CEMIP: variants seen among roughly 807,000 people sequenced by gnomAD.
The protein encoded by CEMIP is cell migration-inducing and hyaluronan-binding protein.
Under a neutral mutation model 156.9 loss-of-function variants are expected in CEMIP, and 105 were observed. That is an observed-to-expected ratio of 0.67 (90% confidence interval 0.57 to 0.79). The LOEUF (loss-of-function observed/expected upper bound fraction) is 0.79. CEMIP is among the 30% of genes least tolerant of loss of function. CEMIP has a pLI of 0.00. For synonymous variants in CEMIP, 676 were observed against 668.4 expected, an observed-to-expected ratio of 1.01 and a Z score of -0.17; for missense variants, 1,457 against 1,769.4, an observed-to-expected ratio of 0.82 and a Z score of 3.17.
chr15:80,883,855 A>G (rs1203042444), intron 6 of CEMIP, among the ~76,000 whole-genome samples: 1 of 152,198 alleles, frequency 6.6e-6, no homozygotes, highest in East Asian at 1.9e-4. Context: ...GGGGAACATC[A>G]AAAGGCCTAG....
In CEMIP at chr15:80,879,698, C is replaced by A. The variant is rs367814136; in HGVS notation, c.242-18C>A. On this transcript the variant is annotated intron_variant, in intron 4 of 29. Coordinates refer to ENST00000394685, the MANE Select transcript of CEMIP (RefSeq NM_001293298.2). Reference sequence around the variant, plus strand: ...TAACACTGTGTTATTAAACCTCCCCCCAATGCTACCTCTTCAGGCAAGCTG... The same window carrying A: ...TAACACTGTGTTATTAAACCTCCCCACAATGCTACCTCTTCAGGCAAGCTG... The A allele has an allele frequency of 6.8e-6, 11 of 1,614,048 alleles. No homozygotes were observed. Among genetic ancestry groups the A allele is most frequent in the South Asian group, 3.3e-5 (3 of 91,070 alleles).
chr15:80,782,106 A>G (rs1404611950), intron 1 of CEMIP, among the ~76,000 whole-genome samples: 1 of 152,236 alleles, frequency 6.6e-6, no homozygotes, highest in East Asian at 1.9e-4. Flanking sequence ...TACCTACACT[A>G]CTTGGAGGAA....
chr15:80,940,686 G>A (rs1226941386), intron 25 of CEMIP, among the ~76,000 whole-genome samples: 1 of 152,226 alleles, frequency 6.6e-6, no homozygotes, highest in East Asian at 1.9e-4. Flanking sequence ...CAGATTAAGT[G>A]GAGGTGCTAC....
At chr15:80,913,048 C>T (rs1234752081) in intron 14 of CEMIP, among the ~76,000 whole-genome samples, 1 of 152,076 alleles carries the variant, frequency 6.6e-6, no homozygotes, top group African/African-American at 2.4e-5. Flanking sequence ...GTGTGCAGAG[C>T]TGAGAGTGCC....
intron 5 of CEMIP, 86 bp from the exon 6 acceptor site, chr15:80,880,814 G>A: frequency 9.2e-7 from 1 of 1,087,206 alleles, no homozygotes; most frequent in Non-Finnish European, 1.4e-6. Context: ...TCAGGGAGCT[G>A]AGCTGTGACT....
chr15:80,943,618 T>G (rs1901426973), intron 28 of CEMIP, among the ~76,000 whole-genome samples: 1 of 152,236 alleles, frequency 6.6e-6, no homozygotes, highest in African/African-American at 2.4e-5. Flanking sequence ...TTCATCCTGA[T>G]AGCCAGGCCA....
In CEMIP at chr15:80,881,094, A is replaced by G. The variant is rs1403379329; in HGVS notation, c.575A>G (p.His192Arg). The change falls in exon 6 of 30, where the codon CAT becomes CGT. Residue 192 changes from histidine (H) to arginine (R), a missense_variant. Coordinates refer to ENST00000394685, the MANE Select transcript of CEMIP (RefSeq NM_001293298.2). ...RSWGHRGVIV[H>R]VIDPKSGTVI... ...TGGGGCCACCGTGGAGTTATTGTTC[A>G]TGTCATCGACCCCAAATCAGGCACA... The G allele has an allele frequency of 6.2e-7, 1 of 1,614,230 alleles. No individual in the cohort carries two copies. Among genetic ancestry groups the G allele is most frequent in the Non-Finnish European group, 8.5e-7 (1 of 1,180,038 alleles).
chr15:80,863,737 G>C (rs1234489545), intron 1 of CEMIP, among the ~76,000 whole-genome samples: 2 of 152,184 alleles, frequency 1.3e-5, no homozygotes, highest in African/African-American at 2.4e-5. Context: ...TGGGGGCCCG[G>C]AGGAAGTTCG....
At position 80,884,175 on chromosome 15, in the gene CEMIP, G is replaced by C. The variant is rs1435312323; in HGVS notation, c.618G>C (p.Arg206=). The change falls in exon 7 of 30, where the codon CGG becomes CGC. Residue 206 remains arginine, a splice_region_variant and synonymous_variant. Transcript: ENST00000394685. ...PKSGTVIHSD[R]FDTYRSKKES... is the part of the protein sequence containing the mutation. ...GATCTCTTCTCTCTGCCCTTTTTAG[G>C]TTTGACACCTATAGATCCAAGAAAG... 3.7e-6 allele frequency: 6 copies of C among 1,613,924 alleles called. No individual in the cohort carries two copies. The highest frequency in any genetic ancestry group is 5.1e-6 in the Non-Finnish European group (6 of 1,179,954).
At chr15:80,927,736 T>C (rs1348564816) in intron 19 of CEMIP, among the ~76,000 whole-genome samples, 5 of 151,654 alleles carry the variant, frequency 3.3e-5, no homozygotes, top group African/African-American at 9.7e-5. Context: ...CCTTCAAGGA[T>C]TGGAAGAATG....
At position 80,830,004 on chromosome 15, in the gene CEMIP, G is replaced by A. The variant is rs112898377; in HGVS notation, c.-175-43534G>A. 1.4e-4 allele frequency among the ~76,000 whole-genome samples: 10 copies of A among 73,896 alleles called. No homozygotes were observed. In the South Asian group the frequency reaches 1.4e-3, roughly 10 times the overall value. 48.5% of individuals were successfully genotyped at this position (73,896 alleles called of 152,430 possible). A position where few individuals can be genotyped will look rare whatever the true frequency, so the allele number is the denominator to read the frequency against. ...TGTGTGTGTGTGTGTGTGTGTGTGC[G>A]CGCATGTCCTTCCAATAAGCAACCA... is the stretch of plus-strand genomic sequence containing the variant. On this transcript the variant is annotated intron_variant, in intron 1 of 29. Coordinates refer to ENST00000394685, the MANE Select transcript of CEMIP (RefSeq NM_001293298.2).
chr15:80,788,589 G>C (rs571099647), intron 1 of CEMIP, among the ~76,000 whole-genome samples: 2 of 152,312 alleles, frequency 1.3e-5, no homozygotes, highest in South Asian at 4.1e-4. Flanking sequence ...CAGGCACTGA[G>C]TAATTCACTC....
chr15:80,877,858 G>A (rs1337178986), intron 3 of CEMIP, among the ~76,000 whole-genome samples: 1 of 152,180 alleles, frequency 6.6e-6, no homozygotes. Context: ...TATAGAATAG[G>A]AAACACAGAT....
Position 80,828,101 on chromosome 15 carries a change from G to A in CEMIP, c.-175-45437G>A, listed in dbSNP as rs1281040290. Among the ~76,000 whole-genome samples, 5 of 152,206 alleles carry A rather than the reference G, an allele frequency of 3.3e-5. 1 individual carries two copies. In the South Asian group the frequency reaches 6.2e-4, roughly 19 times the overall value. ...CCAAGACTTCTTAAGAATGCAGGCC[G>A]GGTGTGGTGGCTCACGCCTATAATC... On this transcript the variant is annotated intron_variant, in intron 1 of 29. Coordinates refer to ENST00000394685, the MANE Select transcript of CEMIP (RefSeq NM_001293298.2).
In CEMIP at chr15:80,936,664, GT is replaced by G. The variant is rs747419551; in HGVS notation, c.3010-6del. ...GCCTCATTGTGTGTTTCCTTTTTGG[GT>G]TTTAAAAGATGTACATTCAAGCCTA... On this transcript the variant is annotated splice_polypyrimidine_tract_variant and intron_variant, in intron 23 of 29. Transcript: ENST00000394685. The G allele has an allele frequency of 3.7e-6, 6 of 1,611,346 alleles. No individual in the cohort carries two copies. The highest frequency in any genetic ancestry group is 4.2e-6 in the Non-Finnish European group (5 of 1,178,168).
intron 19 of CEMIP, among the ~76,000 whole-genome samples, chr15:80,926,440 C>G (rs1454616010): frequency 6.6e-6 from 1 of 151,966 alleles, no homozygotes; most frequent in African/African-American, 2.4e-5. Flanking sequence ...AAATCAGAAA[C>G]CTATTAGGAA....
At chr15:80,864,263 T>C (rs1242043177) in intron 1 of CEMIP, among the ~76,000 whole-genome samples, 4 of 152,218 alleles carry the variant, frequency 2.6e-5, no homozygotes, top group African/African-American at 9.6e-5. Flanking sequence ...ATTTGGGTTT[T>C]TTCCCCAGGT....
intron 1 of CEMIP, among the ~76,000 whole-genome samples, chr15:80,840,889 C>A (rs1040904214): frequency 6.6e-5 from 10 of 152,192 alleles, no homozygotes; most frequent in African/African-American, 9.6e-5. Flanking sequence ...GGCTGTCGGG[C>A]TTCCCACCAT....
chr15:80,841,050 C>T (rs1897401188), intron 1 of CEMIP, among the ~76,000 whole-genome samples: 1 of 152,198 alleles, frequency 6.6e-6, no homozygotes, highest in African/African-American at 2.4e-5. Flanking sequence ...GTCCCCTCCC[C>T]TCTCATCTTG....
Sources: allele counts gnomAD v4.1 joint callset (sites outside exome capture counted in the v4.1 genomes callset), GRCh38; gene constraint gnomAD v4.1.1; transcripts MANE v1.5; gene names NCBI Gene and HGNC (gene_info 2026-07-23, HGNC 2026-07-21).